Variants in NRXN1 observed in about 807,000 individuals in gnomAD.
NRXN1 encodes neurexin-1.
A neutral mutation model predicts 150.9 loss-of-function variants in NRXN1; 39 were observed. The observed-to-expected ratio is 0.26, with a 90% CI of 0.20 to 0.34. The LOEUF (loss-of-function observed/expected upper bound fraction) is 0.34, where lower values mean the gene tolerates loss of function less well. Ranked by LOEUF, NRXN1 falls within the 10% of genes least tolerant of loss-of-function variation. The pLI, the probability that NRXN1 is intolerant of heterozygous loss-of-function variation, is 1.00. For synonymous variants in NRXN1, 924 were observed against 757.0 expected (o/e 1.22, Z -3.62); for missense variants, 1,815 against 1,949.9 (o/e 0.93, Z 1.30).
intron 5 of NRXN1, among the ~76,000 whole-genome samples, chr2:50,655,456 A>C (rs1686289675): frequency 6.6e-6 from 1 of 152,024 alleles, no homozygotes; most frequent in Non-Finnish European, 1.5e-5. Flanking sequence ...AACTCTGAGA[A>C]TAAAATCTGA....
intron 19 of NRXN1, among the ~76,000 whole-genome samples, chr2:50,079,934 T>C (rs1279425617): frequency 6.6e-6 from 1 of 152,088 alleles, no homozygotes; most frequent in Non-Finnish European, 1.5e-5. Flanking sequence ...AGTCTGAAAA[T>C]ATTAAATGGA....
rs1313794016 is a variant in NRXN1, at chr2:50,266,776, G to A, written c.3365-29806C>T. 1.3e-5 allele frequency among the ~76,000 whole-genome samples: 2 copies of A among 152,026 alleles called. 1 individual carries two copies. Among genetic ancestry groups the A allele is most frequent in the African/African-American group, 4.8e-5 (2 of 41,408 alleles). ...TCCCTGGCATTAATGACTCCGCTGTGAAGAAGGATGGTTTCTAGTTTAGTG... is the reference window on the plus strand; with the variant it reads ...TCCCTGGCATTAATGACTCCGCTGTAAAGAAGGATGGTTTCTAGTTTAGTG... On this transcript the variant is annotated intron_variant, in intron 17 of 22. Coordinates refer to ENST00000401669, the MANE Select transcript of NRXN1 (RefSeq NM_001330078.2).
chr2:50,324,444 G>C (rs932579566), intron 17 of NRXN1, among the ~76,000 whole-genome samples: 1 of 152,226 alleles, frequency 6.6e-6, no homozygotes, highest in African/African-American at 2.4e-5. Flanking sequence ...CTCACTTGCA[G>C]GAACTTCTAT....
intron 15 of NRXN1, among the ~76,000 whole-genome samples, chr2:50,487,403 C>T (rs1016583049): frequency 6.6e-6 from 1 of 152,178 alleles, no homozygotes; most frequent in South Asian, 2.1e-4. Context: ...CAGAAAACCA[C>T]ATTCATGTGA....
At chr2:51,021,431 G>T (rs1386132583) in intron 2 of NRXN1, among the ~76,000 whole-genome samples, 2 of 151,902 alleles carry the variant, frequency 1.3e-5, no homozygotes, top group South Asian at 4.1e-4. Context: ...AGCTAAGAAT[G>T]ACAGAAATAT....
chr2:50,514,012 C>T (rs562751569), intron 12 of NRXN1, among the ~76,000 whole-genome samples: 3 of 152,116 alleles, frequency 2.0e-5, no homozygotes, highest in Non-Finnish European at 4.4e-5. Context: ...TATATATACT[C>T]TGGTACAGTG....
intron 17 of NRXN1, among the ~76,000 whole-genome samples, chr2:50,285,348 C>T (rs1328407599): frequency 6.6e-6 from 1 of 152,178 alleles, no homozygotes; most frequent in African/African-American, 2.4e-5. Flanking sequence ...CCTATCCCAG[C>T]AGCTCAGGGT....
At chr2:50,740,001 G>C (rs1318783185) in intron 5 of NRXN1, among the ~76,000 whole-genome samples, 1 of 152,112 alleles carries the variant, frequency 6.6e-6, no homozygotes, top group Non-Finnish European at 1.5e-5. Flanking sequence ...AAGCTCCTTA[G>C]CCTTTATATC....
At chr2:50,574,210 A>C (rs1289039295) in intron 8 of NRXN1, among the ~76,000 whole-genome samples, 1 of 152,154 alleles carries the variant, frequency 6.6e-6, no homozygotes, top group African/African-American at 2.4e-5. Context: ...TAAAAATGGC[A>C]ATAAAAGAAA....
At chr2:50,480,515 C>G (rs916289456) in intron 15 of NRXN1, among the ~76,000 whole-genome samples, 9 of 152,148 alleles carry the variant, frequency 5.9e-5, no homozygotes, top group Non-Finnish European at 1.2e-4. Flanking sequence ...GAAAGACATG[C>G]ATTTATTTGC....
chr2:49,946,954 T>C (rs1053339498), intron 21 of NRXN1, among the ~76,000 whole-genome samples: 23 of 152,126 alleles, frequency 1.5e-4, no homozygotes, highest in African/African-American at 5.3e-4. Flanking sequence ...ATCATGTAGG[T>C]ATCTTTTTAA....
intron 8 of NRXN1, among the ~76,000 whole-genome samples, chr2:50,617,084 A>C (rs1248610262): frequency 1.3e-5 from 2 of 152,176 alleles, no homozygotes; most frequent in East Asian, 3.9e-4. Context: ...TAACAAGAGC[A>C]GGGCCTTCTA....
intron 15 of NRXN1, among the ~76,000 whole-genome samples, chr2:50,493,942 T>A (rs987070021): frequency 6.6e-6 from 1 of 152,208 alleles, no homozygotes; most frequent in Non-Finnish European, 1.5e-5. Flanking sequence ...TTTTCTTTAT[T>A]ATGGGCAAAG....
At chr2:49,994,973 A>G (rs1199286430) in intron 21 of NRXN1, among the ~76,000 whole-genome samples, 1 of 152,234 alleles carries the variant, frequency 6.6e-6, no homozygotes, top group African/African-American at 2.4e-5. Flanking sequence ...ATTTAGGTGT[A>G]GTTCTCATAA....
intron 21 of NRXN1, among the ~76,000 whole-genome samples, chr2:50,026,643 C>T (rs1376109784): frequency 2.6e-5 from 4 of 152,060 alleles, no homozygotes; most frequent in Admixed American, 6.6e-5. Flanking sequence ...AAATTGCATA[C>T]TCATAGAATT....
chr2:50,567,422 G>T (rs912876269), intron 8 of NRXN1, among the ~76,000 whole-genome samples: 1 of 152,136 alleles, frequency 6.6e-6, no homozygotes, highest in Non-Finnish European at 1.5e-5. Context: ...GAACTTGGGT[G>T]AGGGGTCAGG....
intron 5 of NRXN1, among the ~76,000 whole-genome samples, chr2:50,715,652 G>C (rs538863028): frequency 6.6e-6 from 1 of 151,912 alleles, no homozygotes; most frequent in Non-Finnish European, 1.5e-5. Context: ...TGAAGTCATC[G>C]TCCCCCATCT....
At chr2:49,928,065 A>C (rs1669428492) in intron 22 of NRXN1, among the ~76,000 whole-genome samples, 1 of 152,088 alleles carries the variant, frequency 6.6e-6, no homozygotes, top group African/African-American at 2.4e-5. Context: ...TTGAGCTTTG[A>C]GAAAAAGATT....
At chr2:50,502,694 T>C (rs1358166489) in intron 13 of NRXN1, among the ~76,000 whole-genome samples, 1 of 152,178 alleles carries the variant, frequency 6.6e-6, no homozygotes, top group Non-Finnish European at 1.5e-5. Flanking sequence ...GAAACAATGT[T>C]GTAGGTATGA....
Sources: allele counts gnomAD v4.1 joint callset (sites outside exome capture counted in the v4.1 genomes callset), GRCh38; gene constraint gnomAD v4.1.1; transcripts MANE v1.5; gene names NCBI Gene and HGNC (gene_info 2026-07-23, HGNC 2026-07-21).